The following AGAP1 variants were observed in gnomAD, a reference collection of about 807,000 sequenced individuals.
AGAP1 encodes arf-GAP with GTPase, ANK repeat and PH domain-containing protein 1.
A neutral mutation model predicts 105.3 loss-of-function variants in AGAP1; 29 were observed. The ratio of observed to expected loss-of-function variants is 0.28; its 90% CI spans 0.21 to 0.38. The LOEUF is 0.38. Ranked by LOEUF, AGAP1 falls within the 10% of genes least tolerant of loss-of-function variation. AGAP1 has a pLI of 1.00. For missense variants in AGAP1, 998 were observed against 1,165.1 expected (o/e 0.86, Z 2.09); for synonymous variants, 509 against 485.9 (o/e 1.05, Z -0.63).
At chr2:235,760,115 T>G (rs1261120210) in intron 6 of AGAP1, among the ~76,000 whole-genome samples, 1 of 152,206 alleles carries the variant, frequency 6.6e-6, no homozygotes, top group African/African-American at 2.4e-5. Context: ...GCGCAGAGGT[T>G]CACAGCTGTA....
intron 1 of AGAP1, among the ~76,000 whole-genome samples, chr2:235,594,819 C>T (rs931877289): frequency 1.3e-5 from 2 of 151,036 alleles, no homozygotes; most frequent in African/African-American, 4.9e-5. Flanking sequence ...AGTGATCCAC[C>T]TGCCTCGGCC....
chr2:236,030,254 A>T (rs1023218536), intron 13 of AGAP1, among the ~76,000 whole-genome samples: 3 of 152,116 alleles, frequency 2.0e-5, no homozygotes, highest in African/African-American at 7.2e-5. Context: ...ACCTTAGGTG[A>T]CCCACCAGCC....
chr2:235,904,531 T>G lies in AGAP1; in HGVS notation c.1156-4207T>G, dbSNP rs1160715495. On this transcript the variant is annotated intron_variant, in intron 10 of 17. Transcript: ENST00000304032. The surrounding 1 kb of genome is among the most constrained non-coding windows in gnomAD (Gnocchi z 4.2). ...TTGGCTTTGAATTACCCTCACGCCT[T>G]GTTAAAGGGTTTTTCCTCTTTTATC... 6.6e-6 allele frequency among the ~76,000 whole-genome samples: 1 copy of G among 152,196 alleles called. No homozygotes were observed. The highest frequency in any genetic ancestry group is 6.5e-5 in the Admixed American group (1 of 15,274).
intron 1 of AGAP1, among the ~76,000 whole-genome samples, chr2:235,537,056 A>C (rs1375554022): frequency 6.6e-6 from 1 of 152,228 alleles, no homozygotes; most frequent in South Asian, 2.1e-4. Context: ...GCGCCTGCCC[A>C]GGTCCAGCGT....
intron 6 of AGAP1, among the ~76,000 whole-genome samples, chr2:235,756,111 A>G (rs755216278): frequency 7.2e-5 from 11 of 152,210 alleles, no homozygotes; most frequent in African/African-American, 1.2e-4. Context: ...TGGTGCATTC[A>G]GCACTGTCGT....
At chr2:236,048,325 T>C (rs1489640643) in intron 15 of AGAP1, among the ~76,000 whole-genome samples, 1 of 152,214 alleles carries the variant, frequency 6.6e-6, no homozygotes, top group Non-Finnish European at 1.5e-5. Context: ...CTGAATCCAT[T>C]TCTTGTCCTG....
At chr2:236,034,649 C>T (rs986679989) in intron 13 of AGAP1, among the ~76,000 whole-genome samples, 1 of 152,200 alleles carries the variant, frequency 6.6e-6, no homozygotes, top group African/African-American at 2.4e-5. Context: ...AGACTCTTCT[C>T]TCCCCTCCCA....
chr2:235,999,192 T>C (rs1208466158), intron 13 of AGAP1, among the ~76,000 whole-genome samples: 1 of 146,244 alleles, frequency 6.8e-6, no homozygotes, highest in Non-Finnish European at 1.5e-5. Flanking sequence ...ATGGTGATGA[T>C]GGCAGTGTGA....
chr2:235,683,594 G>A (rs1212717024), intron 1 of AGAP1, among the ~76,000 whole-genome samples: 1 of 151,670 alleles, frequency 6.6e-6, no homozygotes, highest in Non-Finnish European at 1.5e-5. Flanking sequence ...GGAATAACTT[G>A]TTAGAAAGGT....
chr2:235,507,759 C>T (rs928866674), intron 1 of AGAP1, among the ~76,000 whole-genome samples: 5 of 152,210 alleles, frequency 3.3e-5, no homozygotes, highest in African/African-American at 4.8e-5. Flanking sequence ...AGTCAGGATT[C>T]GAACTCGGGA....
In AGAP1 at chr2:235,801,726, G is replaced by A. The variant is rs1347645101; in HGVS notation, c.957+2204G>A. On this transcript the variant is annotated intron_variant, in intron 8 of 17. Transcript: ENST00000304032. The surrounding 1 kb of genome is among the most constrained non-coding windows in gnomAD (Gnocchi z 6.0). ...GCTGTGGGCAGGCGGCCTGTGCCCC[G>A]GGAGGAGGGGCGGGCTTGTCATCGT... 2.0e-5 allele frequency among the ~76,000 whole-genome samples: 3 copies of A among 152,160 alleles called. No homozygotes were observed. The highest frequency in any genetic ancestry group is 4.4e-5 in the Non-Finnish European group (3 of 68,036).
chr2:235,997,277 T>TG (rs1173336989), intron 13 of AGAP1, among the ~76,000 whole-genome samples: 1 of 152,174 alleles, frequency 6.6e-6, no homozygotes, highest in Non-Finnish European at 1.5e-5. Context: ...TTAGTAGAGA[T>TG]GGGGTTTCTC....
rs530536704 is a variant in AGAP1, at chr2:236,105,984, C to A, written c.2115-14208C>A. 1.8e-4 allele frequency among the ~76,000 whole-genome samples: 28 copies of A among 152,298 alleles called. No individual in the cohort carries two copies. The highest frequency in any genetic ancestry group is 1.8e-3 in the Admixed American group (27 of 15,294). On this transcript the variant is annotated intron_variant, in intron 16 of 17. Transcript: ENST00000304032. The surrounding 1 kb of genome is among the most constrained non-coding windows in gnomAD (Gnocchi z 4.2). ...AATCACCTCCCAGAGGTCCTGTCAC[C>A]AAACACCATCACACAGGGGGTTAGG...
chr2:235,850,458 C>A (rs1355814371), intron 9 of AGAP1, among the ~76,000 whole-genome samples: 2 of 152,220 alleles, frequency 1.3e-5, no homozygotes, highest in Admixed American at 6.5e-5. Context: ...GCATTATGCA[C>A]CCTGGCAGGA....
chr2:235,706,169 A>G lies in AGAP1; in HGVS notation c.164-3010A>G, dbSNP rs139459802. On this transcript the variant is annotated intron_variant, in intron 1 of 17. Coordinates refer to ENST00000304032, the MANE Select transcript of AGAP1 (RefSeq NM_001037131.3). ...TGTTAAGTTGGAAATTTTACCAGAA[A>G]TAGTCTCAGCCTTGACAAGCATATG... 9.2e-5 allele frequency among the ~76,000 whole-genome samples: 14 copies of G among 152,286 alleles called. No individual in the cohort carries two copies. The East Asian group carries it at 1.7e-3, about 19-fold the overall frequency.
At position 236,044,673 on chromosome 2, in the gene AGAP1, T is replaced by C. The variant is rs1432783143; in HGVS notation, c.1891+3832T>C. Among the ~76,000 whole-genome samples the C allele has an allele frequency of 6.6e-6, 1 of 152,168 alleles. No homozygotes were observed. Among genetic ancestry groups the C allele is most frequent in the Non-Finnish European group, 1.5e-5 (1 of 68,036 alleles). On this transcript the variant is annotated intron_variant, in intron 15 of 17. Transcript: ENST00000304032. The surrounding 1 kb of genome is among the most constrained non-coding windows in gnomAD (Gnocchi z 5.7). ...AGGAGCACATCCAGGCTCTCATCTT[T>C]AGCTTGGCCCACAAATAGAACCTCC...
intron 16 of AGAP1, among the ~76,000 whole-genome samples, chr2:236,064,085 A>C (rs1238303785): frequency 6.6e-6 from 1 of 152,204 alleles, no homozygotes; most frequent in Admixed American, 6.5e-5. Context: ...TTAGGAGATA[A>C]CTGTTTAAAA....
At position 235,678,420 on chromosome 2, in the gene AGAP1, G is replaced by T. The variant is rs1044303534; in HGVS notation, c.164-30759G>T. Among the ~76,000 whole-genome samples the T allele has an allele frequency of 3.3e-5, 5 of 152,308 alleles. No individual in the cohort carries two copies. The East Asian group carries it at 9.6e-4, about 29-fold the overall frequency. ...TGGTTAAGGAAACTTAAAGGAAAAA[G>T]ATTGGGGCTCAGAATTAGGAAGTAA... On this transcript the variant is annotated intron_variant, in intron 1 of 17. Coordinates refer to ENST00000304032, the MANE Select transcript of AGAP1 (RefSeq NM_001037131.3).
rs986532528 is a variant in AGAP1 at position 235,904,064 on chromosome 2, T to C, written c.1156-4674T>C. 2.6e-5 allele frequency among the ~76,000 whole-genome samples: 4 copies of C among 152,202 alleles called. No individual in the cohort carries two copies. Among genetic ancestry groups the C allele is most frequent in the African/African-American group, 4.8e-5 (2 of 41,456 alleles). On this transcript the variant is annotated intron_variant, in intron 10 of 17. Transcript: ENST00000304032. This position sits in a 1 kb window ranked among gnomAD's most constrained non-coding sequence, Gnocchi z 4.2. ...CTCAATTGCTAGCAGGTTTCTCTCATTGCACCTCATTTGCATCTGGGACAT... is the reference window on the plus strand; with the variant it reads ...CTCAATTGCTAGCAGGTTTCTCTCACTGCACCTCATTTGCATCTGGGACAT...
Sources: gnomAD v4.1 joint callset for allele counts (sites outside exome capture counted in the v4.1 genomes callset) on GRCh38, gnomAD v4.1.1 for gene constraint, Gnocchi (gnomAD v3.1) non-coding constraint, MANE v1.5 for transcripts, NCBI Gene and HGNC (gene_info 2026-07-23, HGNC 2026-07-21) for gene names.